NFIA: variants seen among roughly 807,000 people sequenced by gnomAD.
NFIA encodes the protein nuclear factor I A, also known as nuclear factor 1 A-type.
In NFIA, 8 loss-of-function variants were observed where a neutral mutation model predicts 62.8. The observed-to-expected ratio is 0.13, with a 90% CI of 0.07 to 0.23. The LOEUF (loss-of-function observed/expected upper bound fraction) is 0.23. Among genes scored for constraint, NFIA ranks in the 10% least tolerant of loss-of-function variants. The probability of loss-of-function intolerance (pLI) is 1.00; values close to 1 mark genes in which losing one functional copy is unlikely to be tolerated. For synonymous variants in NFIA, 235 were observed against 238.1 expected (o/e 0.99, Z 0.12); for missense variants, 410 against 642.1 (o/e 0.64, Z 3.91).
chr1:61,431,739 C>T (rs1244787227), intron 10 of NFIA, among the ~76,000 whole-genome samples: 2 of 152,200 alleles, frequency 1.3e-5, no homozygotes, highest in African/African-American at 4.8e-5. Context: ...AAATTATGGG[C>T]ATGACACCCG....
intron 9 of NFIA, among the ~76,000 whole-genome samples, chr1:61,408,708 T>C (rs915172000): frequency 6.6e-6 from 1 of 152,224 alleles, no homozygotes; most frequent in African/African-American, 2.4e-5. Context: ...TAGTAATGTG[T>C]GGCTGTTCAA....
At position 61,260,782 on chromosome 1, in the gene NFIA, G is replaced by A. The variant is rs544395202; in HGVS notation, c.560-16738G>A. Among the ~76,000 whole-genome samples the A allele has an allele frequency of 5.9e-5, 9 of 152,098 alleles. No homozygotes were observed. In the South Asian group the frequency reaches 8.3e-4, roughly 14 times the overall value. Reference sequence around the variant, plus strand: ...TTTTTAGTAGAGACGGGGTTTCACCGTGTTAGCCAGGATGGTCTCGATCTC... The same window carrying A: ...TTTTTAGTAGAGACGGGGTTTCACCATGTTAGCCAGGATGGTCTCGATCTC... On this transcript the variant is annotated intron_variant, in intron 2 of 10. Transcript: ENST00000403491.
chr1:61,094,107 T>C (rs1399446740), intron 2 of NFIA, among the ~76,000 whole-genome samples: 2 of 152,210 alleles, frequency 1.3e-5, no homozygotes, highest in Admixed American at 6.5e-5. Context: ...AAAATGCAGA[T>C]TGAGTTCAGT....
chr1:61,402,641 T>C (rs1665628016), intron 7 of NFIA, among the ~76,000 whole-genome samples: 1 of 152,208 alleles, frequency 6.6e-6, no homozygotes, highest in African/African-American at 2.4e-5. Context: ...CTCAATTGTA[T>C]GACCGATGGC....
intron 2 of NFIA, among the ~76,000 whole-genome samples, chr1:61,089,191 G>A (rs945122470): frequency 6.6e-5 from 10 of 152,176 alleles, no homozygotes; most frequent in Middle Eastern, 3.4e-3. Context: ...ACATTAATAC[G>A]CAGACTTAGT....
chr1:61,349,661 A>G lies in NFIA; in HGVS notation c.701-2789A>G, dbSNP rs555913309. Among the ~76,000 whole-genome samples the G allele has an allele frequency of 3.3e-5, 5 of 152,202 alleles. No homozygotes were observed. The South Asian group carries it at 1.0e-3, about 32-fold the overall frequency. On this transcript the variant is annotated intron_variant, in intron 4 of 10. Coordinates refer to ENST00000403491, the MANE Select transcript of NFIA (RefSeq NM_001134673.4). Reference sequence around the variant, plus strand: ...ATGATCATAGTTAACTGCAGCCTCAAACTCCTGGGCTCAAGTGATCCTCCC... The same window carrying G: ...ATGATCATAGTTAACTGCAGCCTCAGACTCCTGGGCTCAAGTGATCCTCCC...
intron 2 of NFIA, among the ~76,000 whole-genome samples, chr1:61,117,519 T>A (rs1208761820): frequency 2.8e-5 from 4 of 145,140 alleles, no homozygotes; most frequent in Non-Finnish European, 6.1e-5. Flanking sequence ...GAAAAAAAAA[T>A]GTAGATTCCT....
intron 3 of NFIA, among the ~76,000 whole-genome samples, chr1:61,304,314 T>C (rs1385641001): frequency 1.3e-5 from 2 of 152,118 alleles, no homozygotes; most frequent in African/African-American, 4.8e-5. Flanking sequence ...CAGGGTGACA[T>C]CATTGAGCTA....
At chr1:61,364,816 T>C (rs1006037717) in intron 6 of NFIA, among the ~76,000 whole-genome samples, 1 of 152,190 alleles carries the variant, frequency 6.6e-6, no homozygotes, top group African/African-American at 2.4e-5. Context: ...CCAAATGTTC[T>C]CTTCTACAAG....
intron 4 of NFIA, among the ~76,000 whole-genome samples, chr1:61,344,729 C>T (rs1226942491): frequency 6.6e-6 from 1 of 152,234 alleles, no homozygotes; most frequent in Non-Finnish European, 1.5e-5. Context: ...GTACTATTAA[C>T]CATAGGCTGG....
intron 3 of NFIA, among the ~76,000 whole-genome samples, chr1:61,280,436 T>A (rs1200113817): frequency 8.9e-6 from 1 of 112,736 alleles, no homozygotes; most frequent in Non-Finnish European, 2.0e-5. Flanking sequence ...TTACTTCACA[T>A]ATATGTATGT....
chr1:61,223,973 C>G (rs1323495949), intron 2 of NFIA, among the ~76,000 whole-genome samples: 1 of 151,990 alleles, frequency 6.6e-6, no homozygotes, highest in Admixed American at 6.5e-5. Flanking sequence ...CCAGAGGGTT[C>G]TTGCCTAATA....
intron 6 of NFIA, among the ~76,000 whole-genome samples, chr1:61,376,387 C>T (rs913157919): frequency 6.6e-6 from 1 of 152,054 alleles, no homozygotes; most frequent in Admixed American, 6.6e-5. Context: ...AGGCAAGAGG[C>T]CTATAGTAAA....
intron 2 of NFIA, among the ~76,000 whole-genome samples, chr1:61,203,060 C>T (rs1037534630): frequency 5.9e-5 from 9 of 152,294 alleles, no homozygotes; most frequent in South Asian, 2.1e-4. Flanking sequence ...CACAATATAG[C>T]GATTTCCTGT....
intron 2 of NFIA, among the ~76,000 whole-genome samples, chr1:61,213,437 GT>G (rs1292436845): frequency 6.6e-6 from 1 of 152,194 alleles, no homozygotes; most frequent in Non-Finnish European, 1.5e-5. Context: ...GCTGATATAT[GT>G]AACCCTGTTC....
chr1:61,269,725 G>A lies in NFIA; in HGVS notation c.560-7795G>A, dbSNP rs568383591. Among the ~76,000 whole-genome samples, 468 of 152,322 alleles carry A rather than the reference G, an allele frequency of 3.1e-3. 2 individuals are homozygous for A. Among genetic ancestry groups the A allele is most frequent in the Non-Finnish European group, 5.0e-3 (339 of 68,028 alleles). ...TGCTTAGAATAAAGAGCAACAGACTGTGAGCACATGTTTAGGACTCATTTA... is the reference window on the plus strand; with the variant it reads ...TGCTTAGAATAAAGAGCAACAGACTATGAGCACATGTTTAGGACTCATTTA... On this transcript the variant is annotated intron_variant, in intron 2 of 10. Coordinates refer to ENST00000403491, the MANE Select transcript of NFIA (RefSeq NM_001134673.4).
chr1:61,097,633 C>T (rs1646438464), intron 2 of NFIA, among the ~76,000 whole-genome samples: 1 of 152,048 alleles, frequency 6.6e-6, no homozygotes. Context: ...CATTACCCAT[C>T]TTCATTTAAT....
chr1:61,384,376 A>G (rs936339498), intron 7 of NFIA, among the ~76,000 whole-genome samples: 1 of 152,164 alleles, frequency 6.6e-6, no homozygotes, highest in African/African-American at 2.4e-5. Flanking sequence ...CGGTGCACAC[A>G]TGGGAGTCAT....
intron 1 of NFIA, among the ~76,000 whole-genome samples, chr1:61,085,381 A>G (rs919110667): frequency 5.9e-5 from 9 of 152,154 alleles, no homozygotes; most frequent in Non-Finnish European, 7.4e-5. Context: ...AAACAGATCA[A>G]TGTTTAAGAT....
Sources: gnomAD v4.1 joint callset for allele counts (sites outside exome capture counted in the v4.1 genomes callset) on GRCh38, gnomAD v4.1.1 for gene constraint, MANE v1.5 for transcripts, NCBI Gene and HGNC (gene_info 2026-07-23, HGNC 2026-07-21) for gene names.